The following DNAH7 variants were observed in gnomAD, a reference collection of about 807,000 sequenced individuals.
The protein encoded by DNAH7 is dynein axonemal heavy chain 7.
In DNAH7, 397 loss-of-function variants were observed where a neutral mutation model predicts 444.6. The ratio of observed to expected loss-of-function variants is 0.89; its 90% CI spans 0.82 to 0.97. The LOEUF (loss-of-function observed/expected upper bound fraction) is 0.97. Among genes scored for constraint, DNAH7 ranks in the 50% least tolerant of loss-of-function variants. The pLI is 0.00. For missense variants in DNAH7, 4,902 were observed against 4,800.8 expected, an observed-to-expected ratio of 1.02 and a Z score of -0.62; for synonymous variants, 1,636 against 1,624.4, an observed-to-expected ratio of 1.01 and a Z score of -0.17.
Position 196,051,264 on chromosome 2 carries a change from T to C in DNAH7, c.79-15A>G, listed in dbSNP as rs776244898. The C allele has an allele frequency of 7.4e-6, 12 of 1,611,806 alleles. No homozygotes were observed. The South Asian group carries it at 9.9e-5, about 13-fold the overall frequency. On this transcript the variant is annotated splice_polypyrimidine_tract_variant and intron_variant, in intron 2 of 64. Transcript: ENST00000312428. Reference sequence around the variant, plus strand: ...GCTAATTTCTCCTGTGTGAAAAATATGAAGGGGAAAAAAGTGTTTACTCTG... The same window carrying C: ...GCTAATTTCTCCTGTGTGAAAAATACGAAGGGGAAAAAAGTGTTTACTCTG...
chr2:195,929,812 G>A lies in DNAH7; in HGVS notation c.3472-3246C>T, dbSNP rs139188331. On this transcript the variant is annotated intron_variant, in intron 21 of 64. Coordinates refer to ENST00000312428, the MANE Select transcript of DNAH7 (RefSeq NM_018897.3). ...CACACCATTCTAGACATTGGTCTTGGGAAAGTATTTATGACTAAGTTCTCA... is the reference window on the plus strand; with the variant it reads ...CACACCATTCTAGACATTGGTCTTGAGAAAGTATTTATGACTAAGTTCTCA... Among the ~76,000 whole-genome samples, 710 of 152,222 alleles carry A rather than the reference G, an allele frequency of 4.7e-3. 3 individuals are homozygous for A. Among genetic ancestry groups the A allele is most frequent in the Non-Finnish European group, 8.0e-3 (545 of 68,006 alleles).
chr2:196,030,774 T>C (rs1035846132), intron 5 of DNAH7, among the ~76,000 whole-genome samples: 2 of 152,254 alleles, frequency 1.3e-5, no homozygotes, highest in African/African-American at 4.8e-5. Context: ...ATCCAGGTCA[T>C]GCTGATGCAA....
At chr2:195,963,656 TGTGGG>T (rs965261601) in intron 17 of DNAH7, among the ~76,000 whole-genome samples, 3 of 152,194 alleles carry the variant, frequency 2.0e-5, no homozygotes, top group African/African-American at 7.2e-5. Context: ...TGCCTGTGCT[TGTGGG>T]GTATTACTCA....
chr2:195,852,915 CAGA>C (rs1699465602), intron 46 of DNAH7, among the ~76,000 whole-genome samples: 1 of 84,584 alleles, frequency 1.2e-5, no homozygotes, highest in Admixed American at 1.3e-4. Context: ...CACACACACA[CAGA>C]GAGAGAGAGA....
intron 19 of DNAH7, among the ~76,000 whole-genome samples, chr2:195,937,579 TAG>T (rs1273976940): frequency 6.6e-5 from 10 of 152,156 alleles, no homozygotes; most frequent in East Asian, 1.9e-4. Context: ...AAAAAGTAAA[TAG>T]AGTTTATTGA....
At chr2:195,955,841 A>G (rs1690609580) in intron 19 of DNAH7, among the ~76,000 whole-genome samples, 1 of 152,206 alleles carries the variant, frequency 6.6e-6, no homozygotes, top group Non-Finnish European at 1.5e-5. Flanking sequence ...AAATGGAAAT[A>G]TATCCATATT....
At chr2:195,938,673 T>A (rs1689220681) in intron 19 of DNAH7, among the ~76,000 whole-genome samples, 1 of 152,118 alleles carries the variant, frequency 6.6e-6, no homozygotes, top group Admixed American at 6.6e-5. Flanking sequence ...ATTGCCAAAA[T>A]AACAAACAAA....
intron 2 of DNAH7, among the ~76,000 whole-genome samples, chr2:196,053,674 A>T (rs1360697764): frequency 6.6e-6 from 1 of 152,192 alleles, no homozygotes; most frequent in East Asian, 1.9e-4. Flanking sequence ...TGCTCTGATC[A>T]TACTGCTCCC....
In DNAH7 at chr2:196,019,915, A is replaced by T. The variant is rs1695266742; in HGVS notation, c.744-620T>A. Among the ~76,000 whole-genome samples the T allele has an allele frequency of 2.6e-5, 4 of 151,664 alleles. No homozygotes were observed. The South Asian group carries it at 8.3e-4, about 32-fold the overall frequency. On this transcript the variant is annotated intron_variant, in intron 8 of 64. Coordinates refer to ENST00000312428, the MANE Select transcript of DNAH7 (RefSeq NM_018897.3). The stretch of plus-strand genomic sequence containing the variant: ...TCCACTTCTACCACCCACTCCCCGC[A>T]CAGCAAGACCAATCTCCCTCTCCCT...
chr2:195,834,807 A>T (rs1405009309), intron 47 of DNAH7, among the ~76,000 whole-genome samples: 1 of 152,204 alleles, frequency 6.6e-6, no homozygotes, highest in African/African-American at 2.4e-5. Flanking sequence ...TAATAGGGAA[A>T]GAGGTTTGGA....
chr2:195,837,477 AG>A (rs1307779620), intron 47 of DNAH7, among the ~76,000 whole-genome samples: 2 of 152,188 alleles, frequency 1.3e-5, no homozygotes, highest in African/African-American at 4.8e-5. Flanking sequence ...TCCTAACTTG[AG>A]GAATTATCAG....
intron 63 of DNAH7, among the ~76,000 whole-genome samples, chr2:195,743,775 A>C (rs145491282): frequency 7.0e-6 from 1 of 143,722 alleles, no homozygotes; most frequent in Non-Finnish European, 1.5e-5. Context: ...ATTTGTGGAT[A>C]TATGTGCTTA....
chr2:195,993,449 C>T (rs1342995485), intron 12 of DNAH7, among the ~76,000 whole-genome samples: 1 of 151,972 alleles, frequency 6.6e-6, no homozygotes, highest in Non-Finnish European at 1.5e-5. Flanking sequence ...TAAAATAATC[C>T]ACAAAGAACT....
chr2:195,807,112 C>T (rs1696750435), intron 53 of DNAH7, among the ~76,000 whole-genome samples: 2 of 151,954 alleles, frequency 1.3e-5, no homozygotes, highest in African/African-American at 4.8e-5. Flanking sequence ...AGTAAATGTG[C>T]ATATGCTACT....
At chr2:195,816,304 A>G (rs1322697575) in intron 51 of DNAH7, among the ~76,000 whole-genome samples, 3 of 152,216 alleles carry the variant, frequency 2.0e-5, no homozygotes, top group Non-Finnish European at 4.4e-5. Context: ...TACAGGAGTC[A>G]TATTTTAAAA....
At chr2:195,788,166 A>G (rs1169835123) in intron 57 of DNAH7, among the ~76,000 whole-genome samples, 5 of 152,228 alleles carry the variant, frequency 3.3e-5, no homozygotes, top group Non-Finnish European at 5.9e-5. Flanking sequence ...TGCCAAGTCC[A>G]GAGAGCTGTA....
chr2:195,783,928 A>G (rs1695499940), intron 58 of DNAH7, among the ~76,000 whole-genome samples: 1 of 151,952 alleles, frequency 6.6e-6, no homozygotes, highest in Admixed American at 6.6e-5. Flanking sequence ...TTTTTTTTTA[A>G]GACTATTTTT....
chr2:195,886,282 C>CAGT lies in DNAH7; in HGVS notation c.5407-13_5407-11dup, dbSNP rs1365843246. On this transcript the variant is annotated splice_polypyrimidine_tract_variant and intron_variant, in intron 33 of 64. Coordinates refer to ENST00000312428, the MANE Select transcript of DNAH7 (RefSeq NM_018897.3). ...AAGTAGGAGATAATTCCTGAAAAGT[C>CAGT]AGTAAGAAAAATGACTAAACAATTT... 6.2e-7 allele frequency: 1 copy of CAGT among 1,605,680 alleles called. No individual in the cohort carries two copies. Among genetic ancestry groups the CAGT allele is most frequent in the Non-Finnish European group, 8.5e-7 (1 of 1,176,830 alleles).
chr2:195,975,144 T>A (rs1278606394), intron 15 of DNAH7, among the ~76,000 whole-genome samples: 3 of 152,106 alleles, frequency 2.0e-5, no homozygotes, highest in Admixed American at 6.5e-5. Flanking sequence ...AAACCAAACA[T>A]CAAGTGAATG....
Sources: gnomAD v4.1 joint callset for allele counts (sites outside exome capture counted in the v4.1 genomes callset) on GRCh38, gnomAD v4.1.1 for gene constraint, MANE v1.5 for transcripts, NCBI Gene and HGNC (gene_info 2026-07-23, HGNC 2026-07-21) for gene names.